FXYD6: variants seen among roughly 807,000 people sequenced by gnomAD.
FXYD6 encodes FXYD domain-containing ion transport regulator 6.
Under a neutral mutation model 16.7 loss-of-function variants are expected in FXYD6, and 7 were observed. The ratio of observed to expected loss-of-function variants is 0.42; its 90% CI spans 0.24 to 0.79. The LOEUF (loss-of-function observed/expected upper bound fraction) is 0.79, where lower values mean the gene tolerates loss of function less well. Among genes scored for constraint, FXYD6 ranks in the 30% least tolerant of loss-of-function variants. The pLI is 0.28. For synonymous variants in FXYD6, 49 were observed against 43.0 expected (o/e 1.14, Z -0.54); for missense variants, 111 against 116.2 (o/e 0.95, Z 0.21).
chr11:117,845,034 C>T (rs766812103), intron 1 of FXYD6, among the ~76,000 whole-genome samples: 1 of 152,158 alleles, frequency 6.6e-6, no homozygotes, highest in Non-Finnish European at 1.5e-5. Flanking sequence ...CCATCTTAAA[C>T]TGTACAATTC....
intron 1 of FXYD6, among the ~76,000 whole-genome samples, chr11:117,863,620 A>G (rs1432780504): frequency 1.3e-5 from 2 of 152,250 alleles, no homozygotes; most frequent in Non-Finnish European, 2.9e-5. Flanking sequence ...CAGAGCAACT[A>G]TGCAAAATAA....
chr11:117,862,151 C>G (rs768104710), intron 1 of FXYD6, among the ~76,000 whole-genome samples: 1 of 152,226 alleles, frequency 6.6e-6, no homozygotes, highest in South Asian at 2.1e-4. Flanking sequence ...GGCTTCGAGA[C>G]GGGAGAGGCT....
At chr11:117,859,424 A>G (rs892414270) in intron 1 of FXYD6, among the ~76,000 whole-genome samples, 1 of 152,242 alleles carries the variant, frequency 6.6e-6, no homozygotes, top group African/African-American at 2.4e-5. Flanking sequence ...ATGCCACAGA[A>G]GAAACTAAGA....
rs919963662 is a variant in FXYD6 at position 117,870,169 on chromosome 11, C to T, written c.-6+6423G>A. 8.5e-5 allele frequency among the ~76,000 whole-genome samples: 13 copies of T among 152,300 alleles called. No homozygotes were observed. Among genetic ancestry groups the T allele is most frequent in the African/African-American group, 2.9e-4 (12 of 41,482 alleles). ...AGGCCAACTCAGGCACAGGCCAATG[C>T]CGCGCCTTGCCCAGAGGGAGTCAGA... On this transcript the variant is annotated intron_variant, in intron 1 of 7. Coordinates refer to ENST00000526014, the MANE Select transcript of FXYD6 (RefSeq NM_022003.4). The surrounding 1 kb of genome is among the most constrained non-coding windows in gnomAD (Gnocchi z 4.2).
In FXYD6 at chr11:117,844,800, T is replaced by A. The variant is rs550868114; in HGVS notation, c.-5-2019A>T. ...GCCACCGCGCCTGGCTGAAAATACATATTTTTAATCATTCCCTTGCTCTTC... is the reference window on the plus strand; with the variant it reads ...GCCACCGCGCCTGGCTGAAAATACAAATTTTTAATCATTCCCTTGCTCTTC... On this transcript the variant is annotated intron_variant, in intron 1 of 7. Transcript: ENST00000526014. Among the ~76,000 whole-genome samples the A allele has an allele frequency of 1.3e-3, 197 of 152,338 alleles. 2 individuals are homozygous for A. Among genetic ancestry groups the A allele is most frequent in the African/African-American group, 4.7e-3 (194 of 41,574 alleles).
At chr11:117,874,670 G>T (rs1427602592) in intron 1 of FXYD6, among the ~76,000 whole-genome samples, 1 of 152,222 alleles carries the variant, frequency 6.6e-6, no homozygotes, top group Non-Finnish European at 1.5e-5. Context: ...GAGCTGGCCT[G>T]ATCCTCTGCT....
At chr11:117,841,116 C>A (rs761040263) in intron 5 of FXYD6, 32 bp downstream of exon 5, 28 of 1,612,186 alleles carry the variant, frequency 1.7e-5, no homozygotes, top group Non-Finnish European at 2.0e-5. Flanking sequence ...CCTAGTATCA[C>A]CCCCCCAAGG....
intron 1 of FXYD6, among the ~76,000 whole-genome samples, chr11:117,844,975 G>T (rs998496441): frequency 6.6e-6 from 1 of 152,144 alleles, no homozygotes; most frequent in African/African-American, 2.4e-5. Context: ...CTCATAGTAA[G>T]TGTTCTTTCC....
At chr11:117,846,054 C>T (rs1025480685) in intron 1 of FXYD6, among the ~76,000 whole-genome samples, 1 of 152,290 alleles carries the variant, frequency 6.6e-6, no homozygotes, top group Non-Finnish European at 1.5e-5. Flanking sequence ...ATGATAATAT[C>T]CCACCAGCTG....
chr11:117,842,026 C>T lies in FXYD6; in HGVS notation c.61G>A (p.Ala21Thr), dbSNP rs1250077651. 6.2e-7 allele frequency: 1 copy of T among 1,614,180 alleles called. No homozygotes were observed. The highest frequency in any genetic ancestry group is 2.2e-5 in the East Asian group (1 of 44,888). The part of the protein sequence containing the change: ...LLAPMVLASA[A>T]EKEKEMDPFH... Reference sequence around the variant, plus strand: ...GGGTCCATTTCCTTCTCCTTTTCAGCTGCTGCAAAAACAAACAGTTGGTCA... The same window carrying T: ...GGGTCCATTTCCTTCTCCTTTTCAGTTGCTGCAAAAACAAACAGTTGGTCA... Residue 21 changes from alanine to threonine, a missense_variant and splice_region_variant, in exon 3 of 8, where the codon GCT becomes ACT. Coordinates refer to ENST00000526014, the MANE Select transcript of FXYD6 (RefSeq NM_022003.4).
At chr11:117,874,638 C>A (rs1276404927) in intron 1 of FXYD6, among the ~76,000 whole-genome samples, 10 of 152,222 alleles carry the variant, frequency 6.6e-5, no homozygotes, top group African/African-American at 2.4e-4. Context: ...TTTGTTAGGG[C>A]TCAGAGCCTC....
At chr11:117,844,430 C>A (rs2056426410) in intron 1 of FXYD6, among the ~76,000 whole-genome samples, 1 of 152,120 alleles carries the variant, frequency 6.6e-6, no homozygotes, top group Admixed American at 6.5e-5. Flanking sequence ...TTCCCTCCAC[C>A]CCATCCCCCT....
chr11:117,868,831 A>T (rs1239340928), intron 1 of FXYD6: 1 of 152,222 alleles, frequency 6.6e-6, no homozygotes, highest in Admixed American at 6.5e-5. Context: ...GTAGAAAAAT[A>T]ATAAAAATTC....
rs79336827 is a variant in FXYD6, at chr11:117,839,922, G to A, written c.260-92C>T. The A allele has an allele frequency of 2.5e-3, 3,811 of 1,538,666 alleles. 92 individuals are homozygous for A. The African/African-American group carries it at 0.047, about 19-fold the overall frequency. On this transcript the variant is annotated intron_variant, in intron 6 of 7. Coordinates refer to ENST00000526014, the MANE Select transcript of FXYD6 (RefSeq NM_022003.4). Reference sequence around the variant, plus strand: ...CAGCCGTGTCTCTGCCTGACTCTGGGGGAGCAAAGAGGTGACGGGCATGGG... The same window carrying A: ...CAGCCGTGTCTCTGCCTGACTCTGGAGGAGCAAAGAGGTGACGGGCATGGG...
intron 6 of FXYD6, 64 bp from the exon 7 acceptor site, chr11:117,839,894 C>A (rs942376145): frequency 1.2e-5 from 19 of 1,603,750 alleles, no homozygotes; most frequent in Non-Finnish European, 1.5e-5. Flanking sequence ...CCACCCCCAA[C>A]AGCAGCCGTG....
chr11:117,856,148 C>T (rs1465103409), intron 1 of FXYD6, among the ~76,000 whole-genome samples: 8 of 152,088 alleles, frequency 5.3e-5, no homozygotes, highest in East Asian at 3.9e-4. Context: ...AGAGTTTCTC[C>T]GGCAATTATC....
At chr11:117,842,818 A>G (rs2056384082) in intron 1 of FXYD6, 37 bp from the exon 2 acceptor site, 1 of 1,550,006 alleles carries the variant, frequency 6.5e-7, no homozygotes, top group Non-Finnish European at 8.7e-7. Context: ...TTCTCTGGCT[A>G]AGAAGCCTCC....
chr11:117,852,793 G>A (rs935042697), intron 1 of FXYD6, among the ~76,000 whole-genome samples: 2 of 152,096 alleles, frequency 1.3e-5, no homozygotes, highest in Admixed American at 6.5e-5. Context: ...TCTCCATATC[G>A]CTTAACTGCT....
At chr11:117,854,555 C>G (rs527294466) in intron 1 of FXYD6, among the ~76,000 whole-genome samples, 9 of 152,320 alleles carry the variant, frequency 5.9e-5, no homozygotes, top group South Asian at 2.1e-4. Context: ...CAAGATACAG[C>G]CTTAGCTACC....
Sources: gnomAD v4.1 joint callset for allele counts (sites outside exome capture counted in the v4.1 genomes callset) on GRCh38, gnomAD v4.1.1 for gene constraint, Gnocchi (gnomAD v3.1) non-coding constraint, MANE v1.5 for transcripts, NCBI Gene and HGNC (gene_info 2026-07-23, HGNC 2026-07-21) for gene names.